TGS1: variants seen among roughly 807,000 people sequenced by gnomAD.
TGS1 encodes the protein trimethylguanosine synthase.
In TGS1, 69 loss-of-function variants were observed where a neutral mutation model predicts 92.2. The ratio of observed to expected loss-of-function variants is 0.75; its 90% confidence interval spans 0.62 to 0.91. The LOEUF (loss-of-function observed/expected upper bound fraction) is 0.91, where lower values mean the gene tolerates loss of function less well. Among genes scored for constraint, TGS1 ranks in the 40% least tolerant of loss-of-function variants. TGS1 has a pLI of 0.00. For missense variants in TGS1, 1,062 were observed against 1,001.2 expected, an observed-to-expected ratio of 1.06 and a Z score of -0.82; for synonymous variants, 345 against 338.1, an observed-to-expected ratio of 1.02 and a Z score of -0.22.
intron 12 of TGS1, 55 bp downstream of exon 12, chr8:55,813,173 G>C: frequency 1.6e-6 from 2 of 1,253,100 alleles, no homozygotes; most frequent in Non-Finnish European, 2.3e-6. Context: ...TTACAAGTAC[G>C]GTAAAAGATA....
intron 1 of TGS1, among the ~76,000 whole-genome samples, chr8:55,776,395 C>T (rs1427605631): frequency 1.3e-5 from 2 of 151,776 alleles, no homozygotes; most frequent in Non-Finnish European, 2.9e-5. Context: ...ATTCTCCTGC[C>T]TCAGCCCACC....
rs569955277 is a variant in TGS1 at position 55,811,109 on chromosome 8, A to G, written c.2360+12A>G. On this transcript the variant is annotated intron_variant, in intron 11 of 12. Transcript: ENST00000260129. Reference sequence around the variant, plus strand: ...ATGTCTCCTGATGGATATCCTTTGGAAGTCTTAAGAGTTTACTGAAACAAT... The same window carrying G: ...ATGTCTCCTGATGGATATCCTTTGGGAGTCTTAAGAGTTTACTGAAACAAT... 1 of 1,453,274 alleles carries G rather than the reference A, an allele frequency of 6.9e-7. No individual in the cohort carries two copies. Among genetic ancestry groups the G allele is most frequent in the Admixed American group, 1.8e-5 (1 of 55,104 alleles). The allele number at this position is 1,453,274 out of a possible 1,614,324, so 90.0% of individuals were successfully genotyped here. A position where few individuals can be genotyped will look rare whatever the true frequency, so the allele number is the denominator to read the frequency against.
intron 6 of TGS1, among the ~76,000 whole-genome samples, chr8:55,795,455 C>T (rs1311861372): frequency 6.6e-6 from 1 of 152,090 alleles, no homozygotes; most frequent in Non-Finnish European, 1.5e-5. Context: ...TCAAAGGAGG[C>T]TTCATAGCAG....
chr8:55,821,632 G>A (rs1344747619), intron 12 of TGS1, among the ~76,000 whole-genome samples: 3 of 152,126 alleles, frequency 2.0e-5, no homozygotes, highest in Non-Finnish European at 4.4e-5. Flanking sequence ...CCAGCACTTT[G>A]GGAGGCCGAG....
intron 10 of TGS1, 76 bp from the exon 11 acceptor site, chr8:55,810,805 T>G: frequency 8.2e-7 from 1 of 1,220,088 alleles, no homozygotes; most frequent in Non-Finnish European, 1.2e-6. Flanking sequence ...GATGACAGAC[T>G]ATTCGAAAGA....
intron 8 of TGS1, among the ~76,000 whole-genome samples, chr8:55,799,816 C>T (rs1812172163): frequency 6.6e-6 from 1 of 152,150 alleles, no homozygotes; most frequent in Admixed American, 6.5e-5. Flanking sequence ...TCAAGCAGTC[C>T]TCCCACCTTT....
chr8:55,773,510 T>A lies in TGS1; in HGVS notation c.-109T>A, dbSNP rs1811274961. ...CGGCCGCGGGCCAGTTTCTATCTCCTCATCCAGGGCTTGCGGGCGAGGCCT... is the reference window on the plus strand; with the variant it reads ...CGGCCGCGGGCCAGTTTCTATCTCCACATCCAGGGCTTGCGGGCGAGGCCT... On this transcript the variant is annotated 5_prime_UTR_variant, in exon 1 of 13. Transcript: ENST00000260129. 1.3e-6 allele frequency: 1 copy of A among 760,662 alleles called. No homozygotes were observed. Among genetic ancestry groups the A allele is most frequent in the African/African-American group, 1.8e-5 (1 of 55,654 alleles). The allele number at this position is 760,662 out of a possible 1,614,324, so 47.1% of individuals were successfully genotyped here. A position where few individuals can be genotyped will look rare whatever the true frequency, so the allele number is the denominator to read the frequency against.
chr8:55,802,527 T>C lies in TGS1; in HGVS notation c.1920T>C (p.Ala640=). 6.2e-7 allele frequency: 1 copy of C among 1,614,144 alleles called. No homozygotes were observed. The highest frequency in any genetic ancestry group is 8.5e-7 in the Non-Finnish European group (1 of 1,179,988). ...ATGGTCTGCCTCCTGAAATAGCTGC[T>C]GTTCCTGAGCTGGCAAAATACTGGG... ...KVNGLPPEIA[A]VPELAKYWAQ... Residue 640 remains alanine (A), a synonymous_variant, in exon 9 of 13, where the codon GCT becomes GCC. Coordinates refer to ENST00000260129, the MANE Select transcript of TGS1 (RefSeq NM_024831.8).
At position 55,786,684 on chromosome 8, in the gene TGS1, T is replaced by C; in HGVS notation, c.786T>C (p.Phe262=). 3 of 1,614,150 alleles carry C rather than the reference T, an allele frequency of 1.9e-6. No homozygotes were observed. The highest frequency in any genetic ancestry group is 2.5e-6 in the Non-Finnish European group (3 of 1,180,026). The part of the protein sequence containing the change: ...FQYWEAQGWT[F]DASQSCDTDT... ...ATTGGGAAGCTCAGGGTTGGACTTT[T>C]GATGCCTCGCAAAGCTGTGATACAG... The change falls in exon 4 of 13, where the codon TTT becomes TTC. Residue 262 remains phenylalanine (F), a synonymous_variant. Coordinates refer to ENST00000260129, the MANE Select transcript of TGS1 (RefSeq NM_024831.8).
At chr8:55,811,170 G>A in intron 11 of TGS1, 73 bp downstream of exon 11, 1 of 813,572 alleles carries the variant, frequency 1.2e-6, no homozygotes, top group Non-Finnish European at 1.9e-6. Flanking sequence ...AGTGAGAGAG[G>A]GAGTGTGGGT....
chr8:55,809,619 G>A (rs1268514442), intron 10 of TGS1, among the ~76,000 whole-genome samples: 1 of 152,168 alleles, frequency 6.6e-6, no homozygotes, highest in Non-Finnish European at 1.5e-5. Context: ...ACCCCACCTG[G>A]CTAATTTTTT....
chr8:55,790,434 A>T (rs1811847990), intron 5 of TGS1, 135 bp downstream of exon 5: 2 of 644,542 alleles, frequency 3.1e-6, no homozygotes, highest in Non-Finnish European at 5.5e-6. Flanking sequence ...TACTGGTAAG[A>T]TTCTGAGCCT....
At position 55,817,095 on chromosome 8, in the gene TGS1, C is replaced by T. The variant is rs534590079; in HGVS notation, c.2439+3977C>T. Reference sequence around the variant, plus strand: ...GGCCAGGATGGTCTCGATCTCTTGACCTCGTGATCTGCCCGCCTTGGCCTC... The same window carrying T: ...GGCCAGGATGGTCTCGATCTCTTGATCTCGTGATCTGCCCGCCTTGGCCTC... On this transcript the variant is annotated intron_variant, in intron 12 of 12. Transcript: ENST00000260129. 7.2e-5 allele frequency among the ~76,000 whole-genome samples: 11 copies of T among 152,146 alleles called. 1 individual carries two copies. The highest frequency in any genetic ancestry group is 1.5e-4 in the Non-Finnish European group (10 of 68,032).
At chr8:55,789,536 T>C (rs1460905785) in intron 4 of TGS1, among the ~76,000 whole-genome samples, 3 of 152,198 alleles carry the variant, frequency 2.0e-5, no homozygotes, top group African/African-American at 7.2e-5. Context: ...AGTTTTAGTT[T>C]GTTGTGTTTT....
chr8:55,781,376 A>T (rs935485098), intron 1 of TGS1, among the ~76,000 whole-genome samples: 3 of 152,108 alleles, frequency 2.0e-5, no homozygotes, highest in Non-Finnish European at 2.9e-5. Context: ...AAAACCAAAA[A>T]TTTTTTATTT....
chr8:55,783,998 C>T (rs1341661947), intron 2 of TGS1, among the ~76,000 whole-genome samples: 2 of 152,150 alleles, frequency 1.3e-5, no homozygotes, highest in African/African-American at 4.8e-5. Flanking sequence ...GTGGAATCCC[C>T]TTCATTATTT....
chr8:55,802,680 A>C, intron 9 of TGS1, 74 bp downstream of exon 9: 2 of 1,419,950 alleles, frequency 1.4e-6, no homozygotes, highest in Admixed American at 4.9e-5. Flanking sequence ...TAAGAATAAT[A>C]CAGGGAATGT....
At chr8:55,788,889 A>T (rs1868746) in intron 4 of TGS1, among the ~76,000 whole-genome samples, 23,730 of 152,112 alleles carry the variant, frequency 0.16, 2,194 homozygotes, top group African/African-American at 0.26. Context: ...TCTGACTTAC[A>T]GTCTCATTTA....
chr8:55,803,769 G>A (rs1812287583), intron 9 of TGS1, among the ~76,000 whole-genome samples: 1 of 150,024 alleles, frequency 6.7e-6, no homozygotes. Flanking sequence ...TCTTGGCTCA[G>A]CAACCTCCAC....
Sources: allele counts gnomAD v4.1 joint callset (sites outside exome capture counted in the v4.1 genomes callset), GRCh38; gene constraint gnomAD v4.1.1; transcripts MANE v1.5; gene names NCBI Gene and HGNC (gene_info 2026-07-23, HGNC 2026-07-21).